EP400: variants seen among roughly 807,000 people sequenced by gnomAD.
The protein encoded by EP400 is E1A binding protein p400.
EP400 carries 105 observed loss-of-function variants against 354.1 expected under a neutral mutation model. The observed-to-expected ratio is 0.30, with a 90% confidence interval of 0.25 to 0.35. The LOEUF (loss-of-function observed/expected upper bound fraction) is 0.35. Among genes scored for constraint, EP400 ranks in the 10% least tolerant of loss-of-function variants. EP400 has a pLI of 1.00. For missense variants in EP400, 3,280 were observed against 4,121.0 expected (o/e 0.80, Z 5.59); for synonymous variants, 1,646 against 1,716.9 (o/e 0.96, Z 1.02).
intron 1 of EP400, among the ~76,000 whole-genome samples, chr12:131,958,036 GTTTC>G (rs1891761922): frequency 1.3e-5 from 2 of 152,168 alleles, no homozygotes; most frequent in Admixed American, 1.3e-4. Context: ...ATGTGAGAGA[GTTTC>G]TTTCTAGCCC....
In EP400 at chr12:132,066,876, C is replaced by G. The variant is rs566625975; in HGVS notation, c.8656C>G (p.Pro2886Ala). 3 of 1,613,924 alleles carry G rather than the reference C, an allele frequency of 1.9e-6. No homozygotes were observed. Among genetic ancestry groups the G allele is most frequent in the Non-Finnish European group, 2.5e-6 (3 of 1,179,948 alleles). The part of the protein sequence containing the change: ...ALAKPPVVSV[P>A]AAVVSSPGVT... The stretch of plus-strand genomic sequence containing the variant: ...GGCGAAGCCTCCGGTGGTGTCCGTC[C>G]CGGCAGCTGTGGTCTCCTCACCGGG... Residue 2886 changes from proline to alanine, a missense_variant, in exon 49 of 53, where the codon CCG becomes GCG. Coordinates refer to ENST00000389561, the MANE Select transcript of EP400 (RefSeq NM_015409.5).
In EP400 at chr12:132,006,146, C is replaced by T. The variant is rs577043076; in HGVS notation, c.2970C>T (p.Arg990=). The T allele has an allele frequency of 2.5e-6, 4 of 1,614,010 alleles. No homozygotes were observed. Among genetic ancestry groups the T allele is most frequent in the Non-Finnish European group, 3.4e-6 (4 of 1,180,010 alleles). Residue 990 remains arginine, a synonymous_variant, in exon 14 of 53, where the codon CGC becomes CGT. Transcript: ENST00000389561. ...ACTGTCCAGGCGACAGGGAGAGTCG[C>T]AAGGACTTGGTTCTCATCGACTCGC... The part of the protein sequence containing the change: ...ADDCPGDRES[R]KDLVLIDSLF...
At position 132,053,390 on chromosome 12, in the gene EP400, ACCCCCG is replaced by A. The variant is rs772487632; in HGVS notation, c.7526_7531del (p.Pro2509_Pro2510del). ...CACAGCAGCCGGCCGTGGCCCAGCC[ACCCCCG>A]CCCCAGCCGCAGCCCCCACCACCCC... On this transcript the variant is annotated inframe_deletion, in exon 43 of 53. Coordinates refer to ENST00000389561, the MANE Select transcript of EP400 (RefSeq NM_015409.5). 4 of 1,147,486 alleles carry A rather than the reference ACCCCCG, an allele frequency of 3.5e-6. No individual in the cohort carries two copies. The highest frequency in any genetic ancestry group is 2.7e-5 in the South Asian group (2 of 74,826). The allele number at this position is 1,147,486 out of a possible 1,614,324, so 71.1% of individuals were successfully genotyped here.
At chr12:132,074,859 G>A (rs1279904291) in intron 51 of EP400, among the ~76,000 whole-genome samples, 2 of 152,118 alleles carry the variant, frequency 1.3e-5, no homozygotes, top group Admixed American at 6.5e-5. Flanking sequence ...TCCAGGCCTC[G>A]CAGAGTGAGT....
chr12:132,053,808 A>G (rs967551586), intron 43 of EP400, among the ~76,000 whole-genome samples: 3 of 152,162 alleles, frequency 2.0e-5, no homozygotes, highest in Non-Finnish European at 4.4e-5. Context: ...TCTCTCCTCC[A>G]GGGCTTTTGT....
intron 3 of EP400, among the ~76,000 whole-genome samples, chr12:131,981,270 T>G (rs188328650): frequency 6.6e-6 from 1 of 152,336 alleles, no homozygotes; most frequent in Non-Finnish European, 1.5e-5. Context: ...TCTCAGGTTG[T>G]TGCTTGTCCT....
chr12:132,044,714 C>T lies in EP400; in HGVS notation c.6629C>T (p.Pro2210Leu), dbSNP rs746515682. The change falls in exon 36 of 53, where the codon CCG (proline) becomes CTG (leucine). Residue 2210 changes from proline to leucine, a missense_variant and splice_region_variant. By Grantham distance (98) the Pro-to-Leu change is moderately conservative. Transcript: ENST00000389561. Reference sequence around the variant, plus strand: ...GTCGATGGGCAGACAGAAGTCATGCCGGTGAGTGCTGCCCTCTCCCTTTGT... The same window carrying T: ...GTCGATGGGCAGACAGAAGTCATGCTGGTGAGTGCTGCCCTCTCCCTTTGT... ...EDVDGQTEVM[P>L]LWTPPTPPQD... The T allele has an allele frequency of 9.9e-6, 16 of 1,614,088 alleles. No individual in the cohort carries two copies. The highest frequency in any genetic ancestry group is 9.3e-5 in the African/African-American group (7 of 74,922).
Position 132,017,869 on chromosome 12 carries a change from C to A in EP400, c.4110+148C>A. On this transcript the variant is annotated intron_variant, in intron 20 of 52. Coordinates refer to ENST00000389561, the MANE Select transcript of EP400 (RefSeq NM_015409.5). The surrounding 1 kb of genome is among the most constrained non-coding windows in gnomAD (Gnocchi z 5.0). ...CGATACATGGCACCGTCTAGCAGCACTGATGGCCTGCCACCCCTTGCCGGA... is the reference window on the plus strand; with the variant it reads ...CGATACATGGCACCGTCTAGCAGCAATGATGGCCTGCCACCCCTTGCCGGA... 1 of 944,850 alleles carries A rather than the reference C, an allele frequency of 1.1e-6. No homozygotes were observed. The highest frequency in any genetic ancestry group is 1.5e-6 in the Non-Finnish European group (1 of 648,040). 58.5% of individuals were successfully genotyped at this position (944,850 alleles called of 1,614,324 possible).
chr12:132,024,210 C>G (rs1318706698), intron 24 of EP400, among the ~76,000 whole-genome samples: 1 of 152,132 alleles, frequency 6.6e-6, no homozygotes, highest in Non-Finnish European at 1.5e-5. Flanking sequence ...TTTTGTAGAT[C>G]AAAGTAGAAA....
At chr12:131,955,510 G>T (rs1166858814) in intron 1 of EP400, among the ~76,000 whole-genome samples, 1 of 152,184 alleles carries the variant, frequency 6.6e-6, no homozygotes, top group Non-Finnish European at 1.5e-5. Flanking sequence ...TTGAACTCCG[G>T]ACCTCAGGTG....
chr12:131,953,741 A>C (rs1342155093), intron 1 of EP400, among the ~76,000 whole-genome samples: 2 of 152,230 alleles, frequency 1.3e-5, no homozygotes, highest in East Asian at 3.8e-4. Context: ...CGTGACATCT[A>C]GTGTTATCAT....
At position 131,990,156 on chromosome 12, in the gene EP400, T is replaced by G; in HGVS notation, c.2550+52T>G. 1 of 1,557,370 alleles carries G rather than the reference T, an allele frequency of 6.4e-7. No individual in the cohort carries two copies. ...GTAAGAATCAGTCTGTCGGAGCTGG[T>G]GAGGCCACTTCCCGAGACCAGAGCT... On this transcript the variant is annotated intron_variant, in intron 8 of 52. Coordinates refer to ENST00000389561, the MANE Select transcript of EP400 (RefSeq NM_015409.5). This position sits in a 1 kb window ranked among gnomAD's most constrained non-coding sequence, Gnocchi z 4.2.
rs1893841599 is a variant in EP400 at position 132,013,926 on chromosome 12, T to C, written c.3923+13T>C. Reference sequence around the variant, plus strand: ...TCCTGCAACCTGGGTGAGTGTGGGCTCTGGGCATGTGCCCCCTTTGCTGTC... The same window carrying C: ...TCCTGCAACCTGGGTGAGTGTGGGCCCTGGGCATGTGCCCCCTTTGCTGTC... On this transcript the variant is annotated intron_variant, in intron 19 of 52. Coordinates refer to ENST00000389561, the MANE Select transcript of EP400 (RefSeq NM_015409.5). This position sits in a 1 kb window ranked among gnomAD's most constrained non-coding sequence, Gnocchi z 4.5. 1 of 1,613,468 alleles carries C rather than the reference T, an allele frequency of 6.2e-7. No individual in the cohort carries two copies. Among genetic ancestry groups the C allele is most frequent in the African/African-American group, 1.3e-5 (1 of 74,908 alleles).
At chr12:132,053,982 C>G (rs370769160) in intron 43 of EP400, among the ~76,000 whole-genome samples, 24 of 152,218 alleles carry the variant, frequency 1.6e-4, no homozygotes, top group African/African-American at 5.3e-4. Context: ...GTCGGTGTCT[C>G]AAAGCATGCC....
At chr12:132,058,261 A>G (rs1434049993) in intron 45 of EP400, among the ~76,000 whole-genome samples, 1 of 151,836 alleles carries the variant, frequency 6.6e-6, no homozygotes, top group African/African-American at 2.4e-5. Context: ...CCTGCCTTTA[A>G]AAAGTTTTTA....
intron 19 of EP400, among the ~76,000 whole-genome samples, chr12:132,014,373 A>G (rs1893857710): frequency 6.6e-6 from 1 of 152,132 alleles, no homozygotes; most frequent in Non-Finnish European, 1.5e-5. Context: ...TGCGCCACGC[A>G]ATGCACACCA....
intron 12 of EP400, among the ~76,000 whole-genome samples, chr12:132,003,907 G>T (rs1195993205): frequency 6.6e-6 from 1 of 152,226 alleles, no homozygotes; most frequent in East Asian, 1.9e-4. Context: ...TCCTTGTAGG[G>T]TGCTTGTCCA....
chr12:132,053,438 A>T lies in EP400; in HGVS notation c.7569A>T (p.Pro2523=). 8.9e-7 allele frequency: 1 copy of T among 1,126,872 alleles called. No individual in the cohort carries two copies. Among genetic ancestry groups the T allele is most frequent in the East Asian group, 5.7e-5 (1 of 17,504 alleles). 69.8% of individuals were successfully genotyped at this position (1,126,872 alleles called of 1,614,324 possible). The change falls in exon 43 of 53, where the codon CCA becomes CCT. Residue 2523 remains proline, a synonymous_variant. Transcript: ENST00000389561. ...QPPPPPQQPP[P]PLPQPQAAGS... ...CACCACCCCCGCAGCAGCCACCGCC[A>T]CCGCTGCCACAACCACAGGCAGCGG...
chr12:132,045,062 C>A, intron 37 of EP400, 109 bp downstream of exon 37: 1 of 1,488,930 alleles, frequency 6.7e-7, no homozygotes, highest in Non-Finnish European at 9.0e-7. Context: ...CTGTCTGCTG[C>A]AGGGCTAGCG....
Sources: allele counts gnomAD v4.1 joint callset (sites outside exome capture counted in the v4.1 genomes callset), GRCh38; gene constraint gnomAD v4.1.1; non-coding constraint Gnocchi (gnomAD v3.1); transcripts MANE v1.5; gene names NCBI Gene and HGNC (gene_info 2026-07-23, HGNC 2026-07-21).